Variants in CAPZB observed in about 807,000 individuals in gnomAD.
CAPZB encodes the protein capping actin protein of muscle Z-line subunit beta.
A neutral mutation model predicts 38.1 loss-of-function variants in CAPZB; 2 were observed. The ratio of observed to expected loss-of-function variants is 0.05; its 90% CI spans 0.02 to 0.17. CAPZB has a LOEUF of 0.17. Ranked by LOEUF, CAPZB falls within the 10% of genes least tolerant of loss-of-function variation. The probability of loss-of-function intolerance (pLI) is 1.00; values close to 1 mark genes in which losing one functional copy is unlikely to be tolerated. For synonymous variants in CAPZB, 107 were observed against 127.4 expected, an observed-to-expected ratio of 0.84 and a Z score of 1.08; for missense variants, 161 against 334.2, an observed-to-expected ratio of 0.48 and a Z score of 4.04.
At chr1:19,405,473 C>G (rs2094326459) in intron 2 of CAPZB, among the ~76,000 whole-genome samples, 3 of 136,462 alleles carry the variant, frequency 2.2e-5, no homozygotes, top group Non-Finnish European at 4.6e-5. Flanking sequence ...TATTAAGCCT[C>G]TTTAAAACAC....
At chr1:19,481,769 G>T (rs534821831) in intron 1 of CAPZB, among the ~76,000 whole-genome samples, 1 of 152,328 alleles carries the variant, frequency 6.6e-6, no homozygotes, top group Non-Finnish European at 1.5e-5. Context: ...GTGGAGCCTG[G>T]CACAAGCCCC....
At chr1:19,379,194 G>A (rs867116305) in intron 3 of CAPZB, among the ~76,000 whole-genome samples, 4 of 151,612 alleles carry the variant, frequency 2.6e-5, no homozygotes, top group African/African-American at 9.7e-5. Context: ...CGCCTCCTGG[G>A]TTCAGGCGAT....
At chr1:19,471,963 A>T (rs2094590133) in intron 1 of CAPZB, among the ~76,000 whole-genome samples, 1 of 152,040 alleles carries the variant, frequency 6.6e-6, no homozygotes, top group Non-Finnish European at 1.5e-5. Context: ...TAACCAAGAT[A>T]AAAGTAGGAT....
chr1:19,454,500 A>G (rs1466872139), intron 1 of CAPZB, among the ~76,000 whole-genome samples: 1 of 152,216 alleles, frequency 6.6e-6, no homozygotes, highest in African/African-American at 2.4e-5. Flanking sequence ...CTGAGCGCTT[A>G]GAGTAGTGGC....
rs554837483 is a variant in CAPZB, at chr1:19,461,015, GGGAAA to G, written c.3+24416_3+24420del. Among the ~76,000 whole-genome samples the G allele has an allele frequency of 8.6e-5, 13 of 150,322 alleles. No individual in the cohort carries two copies. In the South Asian group the frequency reaches 2.5e-3, roughly 29 times the overall value. ...AGCTCAGCCTCCCTCTCTCAAGGCT[GGGAAA>G]GGAAAGTTCATCTTCACTCAGATGC... On this transcript the variant is annotated intron_variant, in intron 1 of 8. Coordinates refer to ENST00000264202, the MANE Select transcript of CAPZB (RefSeq NM_004930.5).
intron 7 of CAPZB, 36 bp from the exon 8 acceptor site, chr1:19,344,470 T>C (rs754188669): frequency 6.5e-7 from 1 of 1,547,250 alleles, no homozygotes; most frequent in Non-Finnish European, 8.9e-7. Context: ...TGGCAAAAGG[T>C]CAGGAACCCT....
chr1:19,469,052 C>G (rs2094577788), intron 1 of CAPZB, among the ~76,000 whole-genome samples: 1 of 152,236 alleles, frequency 6.6e-6, no homozygotes, highest in Non-Finnish European at 1.5e-5. Flanking sequence ...TTCATGCCCA[C>G]CCCCAAGCTG....
At chr1:19,454,200 A>T (rs577529436) in intron 1 of CAPZB, among the ~76,000 whole-genome samples, 124 of 152,232 alleles carry the variant, frequency 8.1e-4, no homozygotes, top group Non-Finnish European at 1.5e-3. Flanking sequence ...AATAAAAGGC[A>T]GGCAAGACTG....
chr1:19,346,045 C>T (rs67559618), intron 6 of CAPZB, among the ~76,000 whole-genome samples: 3 of 152,144 alleles, frequency 2.0e-5, no homozygotes, highest in East Asian at 1.9e-4. Flanking sequence ...AGAAGGAATT[C>T]GGCACTTTCC....
chr1:19,418,454 G>A (rs1485216322), intron 2 of CAPZB, among the ~76,000 whole-genome samples: 1 of 152,154 alleles, frequency 6.6e-6, no homozygotes, highest in Non-Finnish European at 1.5e-5. Flanking sequence ...TCGACTGTCT[G>A]GCAGGACCCT....
At chr1:19,475,838 C>T (rs939980489) in intron 1 of CAPZB, among the ~76,000 whole-genome samples, 6 of 152,208 alleles carry the variant, frequency 3.9e-5, no homozygotes, top group African/African-American at 1.4e-4. Flanking sequence ...TAAGGACCTA[C>T]TGGACATTCA....
rs74481907 is a variant in CAPZB at position 19,352,086 on chromosome 1, G to A, written c.588+4549C>T. On this transcript the variant is annotated intron_variant, in intron 6 of 8. Coordinates refer to ENST00000264202, the MANE Select transcript of CAPZB (RefSeq NM_004930.5). ...CTGCAGCCAGGCCTCCCCAGCGAGCGTGCACTCCTGGAACTGCCAAGCTGG... is the reference window on the plus strand; with the variant it reads ...CTGCAGCCAGGCCTCCCCAGCGAGCATGCACTCCTGGAACTGCCAAGCTGG... Among the ~76,000 whole-genome samples, 65 of 152,326 alleles carry A rather than the reference G, an allele frequency of 4.3e-4. No individual in the cohort carries two copies. In the East Asian group the frequency reaches 0.012, roughly 28 times the overall value.
intron 2 of CAPZB, among the ~76,000 whole-genome samples, chr1:19,417,906 A>T (rs1340120441): frequency 6.6e-6 from 1 of 151,950 alleles, no homozygotes; most frequent in Non-Finnish European, 1.5e-5. Context: ...GGAGGCCGAG[A>T]CAGGCAGATC....
chr1:19,389,294 C>T (rs934658986), intron 2 of CAPZB, among the ~76,000 whole-genome samples: 1 of 152,202 alleles, frequency 6.6e-6, no homozygotes, highest in African/African-American at 2.4e-5. Flanking sequence ...CATGCACGTG[C>T]ATTCCCCCAC....
At chr1:19,382,967 C>T (rs2094183089) in intron 3 of CAPZB, among the ~76,000 whole-genome samples, 1 of 152,090 alleles carries the variant, frequency 6.6e-6, no homozygotes, top group African/African-American at 2.4e-5. Context: ...TCTCTAAGGG[C>T]TGGTCCACCC....
chr1:19,471,865 CAAAAAAAAAAAAAAAA>C (rs59289947), intron 1 of CAPZB, among the ~76,000 whole-genome samples: 7 of 134,416 alleles, frequency 5.2e-5, no homozygotes, highest in Admixed American at 1.4e-4. Flanking sequence ...GACTCCGTCT[CAAAAAAAAAAAAAAAA>C]AAAAAAAAAA....
At chr1:19,431,984 G>T (rs1487090894) in intron 1 of CAPZB, among the ~76,000 whole-genome samples, 1 of 142,002 alleles carries the variant, frequency 7.0e-6, no homozygotes, top group Non-Finnish European at 1.5e-5. Flanking sequence ...AGGCTGGGGC[G>T]GAAAGATCAC....
At chr1:19,469,002 C>A (rs927317569) in intron 1 of CAPZB, among the ~76,000 whole-genome samples, 5 of 152,214 alleles carry the variant, frequency 3.3e-5, no homozygotes, top group Admixed American at 6.5e-5. Context: ...GTCTGACTGG[C>A]TCCCACCAAT....
intron 1 of CAPZB, among the ~76,000 whole-genome samples, chr1:19,469,085 C>T (rs1436244005): frequency 1.3e-5 from 2 of 152,190 alleles, no homozygotes; most frequent in Non-Finnish European, 2.9e-5. Flanking sequence ...TAATCAATGT[C>T]TCTTTGAATG....
Sources: gnomAD v4.1 joint callset for allele counts (sites outside exome capture counted in the v4.1 genomes callset) on GRCh38, gnomAD v4.1.1 for gene constraint, MANE v1.5 for transcripts, NCBI Gene and HGNC (gene_info 2026-07-23, HGNC 2026-07-21) for gene names.